Variants in ANK2 observed in about 807,000 individuals in gnomAD.
ANK2 encodes the protein ankyrin-2.
A neutral mutation model predicts 360.5 loss-of-function variants in ANK2; 83 were observed. The ratio of observed to expected loss-of-function variants is 0.23; its 90% CI spans 0.19 to 0.28. The LOEUF (loss-of-function observed/expected upper bound fraction) is 0.28, where lower values mean the gene tolerates loss of function less well. Among genes scored for constraint, ANK2 ranks in the 10% least tolerant of loss-of-function variants. The pLI is 1.00. For missense variants in ANK2, 4,201 were observed against 4,795.7 expected, an observed-to-expected ratio of 0.88 and a Z score of 3.66; for synonymous variants, 1,740 against 1,759.5, an observed-to-expected ratio of 0.99 and a Z score of 0.28.
the ANK2 span, chr4:112,797,047 C>T: frequency 1.5e-5 from 3 of 198,276 alleles, no homozygotes; most frequent in South Asian, 3.2e-4. Flanking sequence ...TAATTCTTCA[C>T]TTGTCATCTA....
chr4:113,252,109 A>C (rs1488340445), intron 10 of ANK2, among the ~76,000 whole-genome samples: 1 of 152,196 alleles, frequency 6.6e-6, no homozygotes, highest in African/African-American at 2.4e-5. Flanking sequence ...GAGGCTTCAC[A>C]ATCATGGCAG....
chr4:112,912,131 CGT>C (rs2087775846), intron 2 of ANK2, among the ~76,000 whole-genome samples: 1 of 150,710 alleles, frequency 6.6e-6, no homozygotes, highest in Non-Finnish European at 1.5e-5. Context: ...GAGCCAAGAT[CGT>C]GCCACTGCAC....
In ANK2 at chr4:113,354,409, G is replaced by A. The variant is rs780408473; in HGVS notation, c.5791G>A (p.Gly1931Arg). The A allele has an allele frequency of 1.9e-6, 3 of 1,614,056 alleles. No individual in the cohort carries two copies. The Admixed American group carries it at 5.0e-5, about 27-fold the overall frequency. The change falls in exon 38 of 46, where the codon GGG becomes AGG. Residue 1931 changes from glycine (G) to arginine (R), a missense_variant. Physicochemically the swap from Gly to Arg is moderately radical, Grantham distance 125 (BLOSUM62 -2). Transcript: ENST00000357077. ...AGAAAAACACCCGCCAGTATCGCCT[G>A]GGAGAACAGAAAAACGCTTGCCTGT... ...RTEKHPPVSP[G>R]RTEKRLPVSP...
rs192913575 is a variant in ANK2 at position 112,963,475 on chromosome 4, T to G, written c.21+58961T>G. 9.9e-5 allele frequency among the ~76,000 whole-genome samples: 15 copies of G among 152,230 alleles called. No individual in the cohort carries two copies. In the East Asian group the frequency reaches 2.9e-3, roughly 29 times the overall value. ...ACTTAGATTGTAGTCATTCTTGAAA[T>G]TACAGAAATAATTTATTGGTTCAAA... On this transcript the variant is annotated intron_variant, in intron 2 of 30. Transcript: ENST00000503271.
intron 9 of ANK2, among the ~76,000 whole-genome samples, chr4:113,247,583 T>C (rs189707420): frequency 6.6e-6 from 1 of 152,240 alleles, no homozygotes; most frequent in African/African-American, 2.4e-5. Context: ...AAAGCAATAC[T>C]CTGCCTTTTC....
At chr4:112,833,154 A>T (rs1331796801) in intron 1 of ANK2, among the ~76,000 whole-genome samples, 1 of 152,262 alleles carries the variant, frequency 6.6e-6, no homozygotes, top group Non-Finnish European at 1.5e-5. Context: ...GAAATTCCTT[A>T]GAAGTTCTAC....
At chr4:113,047,463 T>G (rs985649157), upstream of ANK2, among the ~76,000 whole-genome samples, 1 of 152,192 alleles carries the variant, frequency 6.6e-6, no homozygotes, top group African/African-American at 2.4e-5. Flanking sequence ...ATCCAATAAA[T>G]ATTTATCGAG....
intron 33 of ANK2, among the ~76,000 whole-genome samples, chr4:113,342,123 A>G (rs892323255): frequency 3.3e-5 from 5 of 152,192 alleles, no homozygotes; most frequent in African/African-American, 1.2e-4. Context: ...TGCATGTGAG[A>G]AGGTAAGATG....
intron 2 of ANK2, among the ~76,000 whole-genome samples, chr4:112,964,368 C>G (rs2036246361): frequency 6.6e-6 from 1 of 151,358 alleles, no homozygotes; most frequent in Non-Finnish European, 1.5e-5. Context: ...CTTCTACTCT[C>G]TGTCTCCATG....
intron 2 of ANK2, among the ~76,000 whole-genome samples, chr4:112,966,834 T>C (rs187951848): frequency 5.9e-5 from 9 of 152,304 alleles, no homozygotes; most frequent in Admixed American, 5.2e-4. Context: ...TTAAATCTTA[T>C]TAAATATGGT....
chr4:112,902,910 G>A (rs1031887189), intron 1 of ANK2, among the ~76,000 whole-genome samples: 6 of 152,194 alleles, frequency 3.9e-5, no homozygotes. Flanking sequence ...AGGACTGTGG[G>A]CATTGAACAG....
intron 2 of ANK2, among the ~76,000 whole-genome samples, chr4:112,915,946 C>T (rs533695442): frequency 4.7e-4 from 72 of 151,882 alleles, no homozygotes; most frequent in African/African-American, 1.6e-3. Context: ...ATTTTATATA[C>T]GGAACATAAA....
In ANK2 at chr4:113,354,180, C is replaced by T. The variant is rs1309781589; in HGVS notation, c.5562C>T (p.His1854=). Residue 1854 remains histidine, a synonymous_variant, in exon 38 of 46, where the codon CAC becomes CAT. Transcript: ENST00000357077. ...PVSPSSKTEK[H]SPVSPSAKTE... Reference sequence around the variant, plus strand: ...CACCATCAAGTAAAACTGAGAAACACTCACCTGTGTCACCCTCTGCAAAAA... The same window carrying T: ...CACCATCAAGTAAAACTGAGAAACATTCACCTGTGTCACCCTCTGCAAAAA... The T allele has an allele frequency of 1.9e-6, 3 of 1,614,050 alleles. 1 individual carries two copies. In the South Asian group the frequency reaches 3.3e-5, roughly 18 times the overall value.
At chr4:113,133,093 G>C (rs28700932) in intron 1 of ANK2, among the ~76,000 whole-genome samples, 1 of 152,130 alleles carries the variant, frequency 6.6e-6, no homozygotes, top group Non-Finnish European at 1.5e-5. Context: ...TGAGGGCAAC[G>C]TAATTATTGG....
chr4:113,198,500 T>C (rs751409114), intron 3 of ANK2, among the ~76,000 whole-genome samples: 8 of 152,164 alleles, frequency 5.3e-5, no homozygotes, highest in Non-Finnish European at 1.0e-4. Context: ...GGTACTGTTA[T>C]GATTTATGTA....
At chr4:112,853,630 G>A (rs1037184) in intron 1 of ANK2, among the ~76,000 whole-genome samples, 48,764 of 152,016 alleles carry the variant, frequency 0.32, 8,267 homozygotes, top group East Asian at 0.59. Context: ...CCTTTAAGTA[G>A]ATACAGAACA....
chr4:112,871,250 A>G (rs2072897188), intron 1 of ANK2, among the ~76,000 whole-genome samples: 1 of 151,544 alleles, frequency 6.6e-6, no homozygotes, highest in South Asian at 2.1e-4. Flanking sequence ...CAGTGGCACC[A>G]TCTCGTCTCA....
intron 2 of ANK2, among the ~76,000 whole-genome samples, chr4:113,038,470 G>A (rs2062109098): frequency 6.6e-6 from 1 of 151,920 alleles, no homozygotes. Flanking sequence ...CCTTAGTATA[G>A]TACGCAAAGT....
In ANK2 at chr4:113,252,573, C is replaced by T. The variant is rs1296494575; in HGVS notation, c.990+2711C>T. On this transcript the variant is annotated intron_variant, in intron 10 of 45. Transcript: ENST00000357077. The stretch of plus-strand genomic sequence containing the variant: ...CCTCTCAGTTAGGTAACTCTAAACC[C>T]TCTATCTATTTCTGTGTCTAACTTC... Among the ~76,000 whole-genome samples the T allele has an allele frequency of 2.0e-5, 3 of 152,068 alleles. No homozygotes were observed. The East Asian group carries it at 5.8e-4, about 29-fold the overall frequency.
Sources: allele counts gnomAD v4.1 joint callset (sites outside exome capture counted in the v4.1 genomes callset), GRCh38; gene constraint gnomAD v4.1.1; transcripts MANE v1.5; gene names NCBI Gene and HGNC (gene_info 2026-07-23, HGNC 2026-07-21).